The following CARNMT1 variants were observed in gnomAD, a reference collection of about 807,000 sequenced individuals.
CARNMT1 encodes the protein carnosine N-methyltransferase 1, also known as protein-L-histidine N-pros-methyltransferase CARNMT1.
A neutral mutation model predicts 49.6 loss-of-function variants in CARNMT1; 28 were observed. The observed-to-expected ratio is 0.56, with a 90% CI of 0.42 to 0.77. The LOEUF is 0.77. Among genes scored for constraint, CARNMT1 ranks in the 30% least tolerant of loss-of-function variants. The pLI is 0.00. For missense variants in CARNMT1, 421 were observed against 512.6 expected, an observed-to-expected ratio of 0.82 and a Z score of 1.73; for synonymous variants, 178 against 175.0, an observed-to-expected ratio of 1.02 and a Z score of -0.13.
chr9:74,993,696 A>T (rs953789525), intron 6 of CARNMT1, among the ~76,000 whole-genome samples: 5 of 149,874 alleles, frequency 3.3e-5, no homozygotes, highest in African/African-American at 1.2e-4. Flanking sequence ...TTTGGTTGTC[A>T]AAACTGGGAG....
rs199591785 is a variant in CARNMT1, at chr9:74,996,499, A to G, written c.972T>C (p.Tyr324=). ...FIDTAHNVID[Y]IDTIWKILKP... The stretch of plus-strand genomic sequence containing the variant: ...TGAGTATTTTCCATATTGTATCAAT[A>G]TAATCAATTACATTGTGAGCTGTGT... The change falls in exon 6 of 8, where the codon TAT becomes TAC. Residue 324 remains tyrosine, a synonymous_variant. Coordinates refer to ENST00000376834, the MANE Select transcript of CARNMT1 (RefSeq NM_152420.3). 6 of 1,608,908 alleles carry G rather than the reference A, an allele frequency of 3.7e-6. No homozygotes were observed. Among genetic ancestry groups the G allele is most frequent in the Non-Finnish European group, 5.1e-6 (6 of 1,177,924 alleles).
chr9:75,008,550 C>T (rs775200862), intron 3 of CARNMT1, among the ~76,000 whole-genome samples: 3 of 152,178 alleles, frequency 2.0e-5, no homozygotes, highest in Non-Finnish European at 4.4e-5. Flanking sequence ...TCGTGATCCA[C>T]CTGCCTCGGC....
At chr9:74,992,000 A>C (rs1477338590) in intron 6 of CARNMT1, among the ~76,000 whole-genome samples, 1 of 152,118 alleles carries the variant, frequency 6.6e-6, no homozygotes, top group South Asian at 2.1e-4. Context: ...GGCCAGGCAC[A>C]GTGGCTCACG....
chr9:75,026,267 C>T (rs1587317751), intron 1 of CARNMT1, among the ~76,000 whole-genome samples: 2 of 152,316 alleles, frequency 1.3e-5, no homozygotes, highest in Non-Finnish European at 2.9e-5. Flanking sequence ...TATTGCCACA[C>T]TTCAGTTCCT....
intron 6 of CARNMT1, among the ~76,000 whole-genome samples, chr9:74,993,724 G>C (rs550364124): frequency 1.0e-4 from 15 of 150,130 alleles, no homozygotes; most frequent in African/African-American, 3.7e-4. Flanking sequence ...TGGAGTCTTA[G>C]AGGCCAGGAA....
chr9:74,987,786 CA>C (rs995785021), intron 6 of CARNMT1, among the ~76,000 whole-genome samples: 8 of 150,828 alleles, frequency 5.3e-5, no homozygotes, highest in African/African-American at 1.5e-4. Flanking sequence ...ATTATATCTC[CA>C]AAAAAATCCA....
intron 1 of CARNMT1, among the ~76,000 whole-genome samples, chr9:75,020,651 T>C (rs553487585): frequency 3.9e-5 from 6 of 152,320 alleles, no homozygotes; most frequent in African/African-American, 1.4e-4. Flanking sequence ...ACAATTTTCT[T>C]ATTTTTACCC....
intron 1 of CARNMT1, among the ~76,000 whole-genome samples, chr9:75,026,854 T>C (rs1302635333): frequency 6.6e-6 from 1 of 152,234 alleles, no homozygotes; most frequent in Non-Finnish European, 1.5e-5. Context: ...TTTGCTACTA[T>C]TTGTTTTGTT....
In CARNMT1 at chr9:74,993,312, G is replaced by GA. The variant is rs768801590; in HGVS notation, c.1024+3134dup. Among the ~76,000 whole-genome samples, 16 of 152,146 alleles carry GA rather than the reference G, an allele frequency of 1.1e-4. No individual in the cohort carries two copies. The East Asian group carries it at 2.9e-3, about 27-fold the overall frequency. ...AAGAACACATAAGGACTAACCAAGG[G>GA]AAAACAGAAGAGAAAGAAAGGGCTA... On this transcript the variant is annotated intron_variant, in intron 6 of 7. Coordinates refer to ENST00000376834, the MANE Select transcript of CARNMT1 (RefSeq NM_152420.3).
intron 2 of CARNMT1, chr9:75,016,664 A>T (rs1421110215): frequency 4.2e-6 from 2 of 476,806 alleles, no homozygotes; most frequent in East Asian, 3.6e-5. Flanking sequence ...CATATAATTA[A>T]GCAGTCTTTA....
At chr9:75,027,333 A>C (rs1822560763) in intron 1 of CARNMT1, 2 of 853,102 alleles carry the variant, frequency 2.3e-6, no homozygotes, top group Non-Finnish European at 2.8e-6. Flanking sequence ...GATTTGCAGA[A>C]AAAAAGAACG....
At chr9:75,003,817 A>G (rs1192156107) in intron 3 of CARNMT1, among the ~76,000 whole-genome samples, 1 of 152,244 alleles carries the variant, frequency 6.6e-6, no homozygotes, top group African/African-American at 2.4e-5. Context: ...ATATATGTAG[A>G]ACAGCTTCCC....
At chr9:75,027,041 G>C in intron 1 of CARNMT1, 1 of 1,295,762 alleles carries the variant, frequency 7.7e-7, no homozygotes, top group African/African-American at 1.5e-5. Context: ...CCACCTATGG[G>C]AACAGGTTTA....
chr9:75,013,755 A>G (rs952116575), intron 3 of CARNMT1, among the ~76,000 whole-genome samples: 1 of 152,062 alleles, frequency 6.6e-6, no homozygotes, highest in African/African-American at 2.4e-5. Flanking sequence ...TGTAATCCCA[A>G]TATTTTGGGA....
intron 1 of CARNMT1, among the ~76,000 whole-genome samples, chr9:75,018,419 T>C (rs944058131): frequency 6.6e-6 from 1 of 152,190 alleles, no homozygotes. Flanking sequence ...CATTTTTATA[T>C]TGACAAGATG....
At chr9:75,019,315 G>GA (rs1461203442) in intron 1 of CARNMT1, among the ~76,000 whole-genome samples, 1 of 152,116 alleles carries the variant, frequency 6.6e-6, no homozygotes, top group Non-Finnish European at 1.5e-5. Context: ...GACTCAGAAG[G>GA]AAATCAGAAT....
At chr9:75,017,216 C>A in intron 2 of CARNMT1, 37 bp downstream of exon 2, 1 of 1,527,514 alleles carries the variant, frequency 6.5e-7, no homozygotes, top group African/African-American at 1.4e-5. Flanking sequence ...AGAGGTTGAC[C>A]CTAAAATAAA....
rs1341290152 is a variant in CARNMT1, at chr9:74,996,508, T to C, written c.963A>G (p.Val321=). The C allele has an allele frequency of 6.2e-7, 1 of 1,609,022 alleles. No individual in the cohort carries two copies. Among genetic ancestry groups the C allele is most frequent in the Non-Finnish European group, 8.5e-7 (1 of 1,178,006 alleles). ...TCFFIDTAHN[V]IDYIDTIWKI... ...TCCATATTGTATCAATATAATCAAT[T>C]ACATTGTGAGCTGTGTCTATGAAGA... The change falls in exon 6 of 8, where the codon GTA becomes GTG. Residue 321 remains valine (V), a synonymous_variant. Coordinates refer to ENST00000376834, the MANE Select transcript of CARNMT1 (RefSeq NM_152420.3).
intron 7 of CARNMT1, among the ~76,000 whole-genome samples, chr9:74,984,534 T>A (rs1020463298): frequency 6.6e-6 from 1 of 152,188 alleles, no homozygotes; most frequent in Non-Finnish European, 1.5e-5. Context: ...AGCGCCTACA[T>A]AATGCCACAA....
Sources: allele counts gnomAD v4.1 joint callset (sites outside exome capture counted in the v4.1 genomes callset), GRCh38; gene constraint gnomAD v4.1.1; transcripts MANE v1.5; gene names NCBI Gene and HGNC (gene_info 2026-07-23, HGNC 2026-07-21).